ESRRB: variants seen among roughly 807,000 people sequenced by gnomAD.
ESRRB encodes steroid hormone receptor ERR2.
Under a neutral mutation model 46.0 loss-of-function variants are expected in ESRRB, and 16 were observed. That is an observed-to-expected ratio of 0.35 (90% CI 0.24 to 0.53). The LOEUF (loss-of-function observed/expected upper bound fraction) is 0.53. ESRRB is among the 20% of genes least tolerant of loss of function. ESRRB has a pLI of 0.93. For missense variants in ESRRB, 488 were observed against 607.4 expected, an observed-to-expected ratio of 0.80 and a Z score of 2.07; for synonymous variants, 246 against 259.6, an observed-to-expected ratio of 0.95 and a Z score of 0.50.
intron 1 of ESRRB, among the ~76,000 whole-genome samples, chr14:76,362,108 C>T (rs1884471661): frequency 6.6e-6 from 1 of 152,174 alleles, no homozygotes; most frequent in South Asian, 2.1e-4. Context: ...TCCCCTTCTC[C>T]AGAGTTAAGG....
chr14:76,384,758 G>C (rs981027718), intron 1 of ESRRB, among the ~76,000 whole-genome samples: 2 of 152,288 alleles, frequency 1.3e-5, no homozygotes, highest in African/African-American at 4.8e-5. Context: ...GGACAAGGGG[G>C]GGTTATGACT....
At chr14:76,405,356 C>A (rs910314859) in intron 1 of ESRRB, among the ~76,000 whole-genome samples, 1 of 152,096 alleles carries the variant, frequency 6.6e-6, no homozygotes, top group Admixed American at 6.6e-5. Flanking sequence ...TAGCAATACG[C>A]CTGCTTCGGC....
chr14:76,493,764 G>C (rs1401359935), intron 6 of ESRRB, among the ~76,000 whole-genome samples: 8 of 152,196 alleles, frequency 5.3e-5, no homozygotes, highest in African/African-American at 1.9e-4. Flanking sequence ...GTGCATGCAG[G>C]GGGTGCTGTT....
chr14:76,430,947 C>T (rs1310940422), intron 1 of ESRRB, among the ~76,000 whole-genome samples: 4 of 152,220 alleles, frequency 2.6e-5, no homozygotes, highest in African/African-American at 7.2e-5. Context: ...GCCTGCTGCC[C>T]TCTGACCAGC....
intron 6 of ESRRB, among the ~76,000 whole-genome samples, chr14:76,491,968 T>C (rs1890250509): frequency 6.6e-6 from 1 of 152,224 alleles, no homozygotes; most frequent in Non-Finnish European, 1.5e-5. Flanking sequence ...AGGACATGGG[T>C]TCTGAGGCCA....
chr14:76,433,966 T>TTTTA, intron 1 of ESRRB, among the ~76,000 whole-genome samples: 1 of 146,486 alleles, frequency 6.8e-6, no homozygotes, highest in East Asian at 1.9e-4. Context: ...CTTTACATTT[T>TTTTA]TTTTTTTTTT....
At chr14:76,455,617 T>C (rs1888572828) in intron 2 of ESRRB, among the ~76,000 whole-genome samples, 2 of 152,194 alleles carry the variant, frequency 1.3e-5, no homozygotes, top group Admixed American at 1.3e-4. Context: ...AAGCATGTAG[T>C]TCATGGGCGT....
chr14:76,434,659 CAA>C (rs397964458), intron 1 of ESRRB, among the ~76,000 whole-genome samples: 1 of 127,132 alleles, frequency 7.9e-6, no homozygotes, highest in Non-Finnish European at 1.7e-5. Flanking sequence ...GACTCTGTCT[CAA>C]AAAAAAAAAA....
intron 2 of ESRRB, among the ~76,000 whole-genome samples, chr14:76,459,474 C>T (rs59962189): frequency 0.09 from 13,569 of 151,230 alleles, 687 homozygotes; most frequent in African/African-American, 0.14. Context: ...AAAGGCCTGG[C>T]GACCTAGGAG....
chr14:76,447,085 C>T (rs1416855375), intron 2 of ESRRB, among the ~76,000 whole-genome samples: 3 of 152,152 alleles, frequency 2.0e-5, no homozygotes, highest in African/African-American at 4.8e-5. Flanking sequence ...TCACTGATTC[C>T]GCAGCTATTT....
At chr14:76,371,186 C>G (rs1041516125), upstream of ESRRB, among the ~76,000 whole-genome samples, 1 of 152,206 alleles carries the variant, frequency 6.6e-6, no homozygotes, top group Non-Finnish European at 1.5e-5. Flanking sequence ...TATCTGTCAG[C>G]AGGAGACTAT....
At chr14:76,312,390 T>C (rs1483923848) in intron 1 of ESRRB, among the ~76,000 whole-genome samples, 3 of 152,130 alleles carry the variant, frequency 2.0e-5, no homozygotes, top group East Asian at 3.8e-4. Flanking sequence ...GTATTTTGTT[T>C]AGGGTTATTA....
chr14:76,452,862 T>C (rs1345333426), intron 2 of ESRRB, among the ~76,000 whole-genome samples: 4 of 152,146 alleles, frequency 2.6e-5, no homozygotes, highest in Non-Finnish European at 4.4e-5. Flanking sequence ...TTTGGACATA[T>C]TGAGTTTGAT....
intron 1 of ESRRB, among the ~76,000 whole-genome samples, chr14:76,335,741 T>C (rs1884119301): frequency 1.3e-5 from 2 of 152,190 alleles, no homozygotes; most frequent in Admixed American, 1.3e-4. Context: ...GTTTTTGAAG[T>C]TGATTCCTAA....
chr14:76,469,926 G>GTTTTTTTTT (rs1356927268), intron 3 of ESRRB, among the ~76,000 whole-genome samples: 85 of 67,444 alleles, frequency 1.3e-3, no homozygotes, highest in Non-Finnish European at 1.4e-3. Flanking sequence ...TGTGTTTTTT[G>GTTTTTTTTT]TTGTTTTTTT....
At position 76,469,951 on chromosome 14, in the gene ESRRB, T is replaced by TTG. The variant is rs1555342872; in HGVS notation, c.577+7291_577+7292insGT. On this transcript the variant is annotated intron_variant, in intron 3 of 6. Transcript: ENST00000644823. ...GTTGTTTTTTTTTTTTTTCTTTTTT[T>TTG]TTTTTTTTTTTTTTGAGACAGAGTC... Among the ~76,000 whole-genome samples, 327 of 133,390 alleles carry TTG rather than the reference T, an allele frequency of 2.5e-3. 4 individuals are homozygous for TTG. The highest frequency in any genetic ancestry group is 9.6e-3 in the African/African-American group (318 of 33,216). 87.5% of individuals were successfully genotyped at this position (133,390 alleles called of 152,430 possible).
At chr14:76,447,827 GCCACCGCTGACTC>G (rs1324396563) in intron 2 of ESRRB, among the ~76,000 whole-genome samples, 2 of 151,880 alleles carry the variant, frequency 1.3e-5, no homozygotes, top group Non-Finnish European at 2.9e-5. Context: ...TTCAGCTCAG[GCCACCGCTGACTC>G]CCACCGCTTC....
chr14:76,373,341 C>T (rs949757520), upstream of ESRRB, among the ~76,000 whole-genome samples: 2 of 152,146 alleles, frequency 1.3e-5, no homozygotes, highest in African/African-American at 4.8e-5. Flanking sequence ...CACCCCACTC[C>T]ACCCCTGTAC....
chr14:76,410,390 A>AT (rs1886382900), intron 1 of ESRRB, among the ~76,000 whole-genome samples: 1 of 152,106 alleles, frequency 6.6e-6, no homozygotes, highest in Non-Finnish European at 1.5e-5. Context: ...CTGGTAGGGT[A>AT]TTTTTCCTCC....
Sources: allele counts gnomAD v4.1 joint callset (sites outside exome capture counted in the v4.1 genomes callset), GRCh38; gene constraint gnomAD v4.1.1; transcripts MANE v1.5; gene names NCBI Gene and HGNC (gene_info 2026-07-23, HGNC 2026-07-21).